ABI3BP: variants seen among roughly 807,000 people sequenced by gnomAD.
ABI3BP encodes target of Nesh-SH3.
In ABI3BP, 216 loss-of-function variants were observed where a neutral mutation model predicts 268.6. The observed-to-expected ratio is 0.80, with a 90% confidence interval of 0.72 to 0.90. The LOEUF is 0.90. Ranked by LOEUF, ABI3BP falls within the 40% of genes least tolerant of loss-of-function variation. The probability of loss-of-function intolerance (pLI) is 0.00; values close to 1 mark genes in which losing one functional copy is unlikely to be tolerated. For synonymous variants in ABI3BP, 730 were observed against 730.0 expected, an observed-to-expected ratio of 1.00 and a Z score of 0.00; for missense variants, 2,090 against 2,182.4, an observed-to-expected ratio of 0.96 and a Z score of 0.84.
At chr3:100,765,360 A>G (rs958023120) in intron 63 of ABI3BP, among the ~76,000 whole-genome samples, 5 of 152,220 alleles carry the variant, frequency 3.3e-5, no homozygotes, top group African/African-American at 1.2e-4. Flanking sequence ...CCATGATAAA[A>G]GGTCCCAAAG....
At chr3:100,947,396 T>C (rs550719781) in intron 1 of ABI3BP, among the ~76,000 whole-genome samples, 2 of 152,278 alleles carry the variant, frequency 1.3e-5, no homozygotes, top group East Asian at 3.9e-4. Flanking sequence ...TCTAACTGAA[T>C]GAATCCGTTT....
intron 1 of ABI3BP, among the ~76,000 whole-genome samples, chr3:100,982,768 G>A (rs1010615938): frequency 6.6e-6 from 1 of 152,088 alleles, no homozygotes; most frequent in Admixed American, 6.5e-5. Flanking sequence ...TGGAGAGGAT[G>A]GGCCTGGAGA....
Position 100,754,688 on chromosome 3 carries a change from A to T in ABI3BP, c.4854T>A (p.Tyr1618Ter). ...GGTTTTTGGGTTTCACCTGGAATTC[A>T]TAACTGTTTAGGGGAAAATAAAAAA... is the stretch of plus-strand genomic sequence containing the variant. The part of the protein sequence containing the change: ...TVENLKPNTS[Y>*]EFQVKPKNPL... Residue 1618 changes from tyrosine to a stop codon, truncating the protein, a stop_gained, in exon 64 of 68, where the codon TAT becomes TAA. Transcript: ENST00000471714. LOFTEE classifies it high-confidence loss of function. 6.3e-7 allele frequency: 1 copy of T among 1,579,780 alleles called. No individual in the cohort carries two copies. Among genetic ancestry groups the T allele is most frequent in the Non-Finnish European group, 8.6e-7 (1 of 1,161,198 alleles).
intron 45 of ABI3BP, among the ~76,000 whole-genome samples, chr3:100,812,789 A>G (rs570009760): frequency 2.6e-5 from 4 of 152,298 alleles, no homozygotes; most frequent in African/African-American, 7.2e-5. Context: ...GAAAGAAATT[A>G]CAGTCCTACG....
At chr3:100,945,384 A>G (rs757454514) in intron 1 of ABI3BP, among the ~76,000 whole-genome samples, 7 of 152,192 alleles carry the variant, frequency 4.6e-5, no homozygotes, top group Non-Finnish European at 5.9e-5. Context: ...CAATGATTTT[A>G]TAGCTCAAAC....
intron 2 of ABI3BP, among the ~76,000 whole-genome samples, chr3:100,916,719 T>A (rs901087986): frequency 2.6e-5 from 4 of 152,208 alleles, no homozygotes; most frequent in Non-Finnish European, 5.9e-5. Context: ...GTGCCCAGCC[T>A]GGAGAATGGA....
chr3:100,844,340 C>T (rs534237610), intron 20 of ABI3BP: 12 of 985,236 alleles, frequency 1.2e-5, no homozygotes, highest in African/African-American at 8.7e-5. Context: ...TCCCACTGGA[C>T]GAGGTAGACA....
chr3:100,779,216 C>G (rs1337808042), intron 58 of ABI3BP, among the ~76,000 whole-genome samples: 2 of 152,198 alleles, frequency 1.3e-5, no homozygotes, highest in African/African-American at 4.8e-5. Flanking sequence ...AAGTCTGTAT[C>G]TGTAGGGAGC....
intron 1 of ABI3BP, among the ~76,000 whole-genome samples, chr3:100,958,083 T>C (rs1243122221): frequency 6.6e-6 from 1 of 152,202 alleles, no homozygotes; most frequent in Non-Finnish European, 1.5e-5. Flanking sequence ...ACTATCAAAT[T>C]CTGTTGACAG....
chr3:100,753,993 GTTTGC>G (rs983301801), intron 64 of ABI3BP, 145 bp from the exon 65 acceptor site: 2 of 872,848 alleles, frequency 2.3e-6, no homozygotes, highest in African/African-American at 1.7e-5. Context: ...GAATTTGAAA[GTTTGC>G]TTTGTTTTGG....
At chr3:100,969,476 C>A (rs1002505200) in intron 1 of ABI3BP, among the ~76,000 whole-genome samples, 2 of 152,112 alleles carry the variant, frequency 1.3e-5, no homozygotes, top group Non-Finnish European at 2.9e-5. Context: ...ATAAATGTGG[C>A]CAGCAGCAGA....
At position 100,863,992 on chromosome 3, in the gene ABI3BP, T is replaced by TA. The variant is rs1475476005; in HGVS notation, c.1138+9dup. ...GTAATAATAAAGCTGCAGTATTTAT[T>TA]ATTTTTTACCTAGAGTGCTCAGTGG... On this transcript the variant is annotated intron_variant, in intron 12 of 67. Transcript: ENST00000471714. The TA allele has an allele frequency of 1.3e-6, 2 of 1,511,286 alleles. No individual in the cohort carries two copies. Among genetic ancestry groups the TA allele is most frequent in the Non-Finnish European group, 1.8e-6 (2 of 1,124,300 alleles). 93.6% of individuals were successfully genotyped at this position (1,511,286 alleles called of 1,614,324 possible).
chr3:100,778,169 A>T (rs1331262716), intron 59 of ABI3BP, 115 bp downstream of exon 59: 1 of 1,021,054 alleles, frequency 9.8e-7, no homozygotes, highest in East Asian at 2.5e-5. Context: ...CAGGGCCAAC[A>T]CAAACGTGTC....
chr3:100,812,626 TAAC>T, intron 45 of ABI3BP, 103 bp from the exon 46 acceptor site: 1 of 634,254 alleles, frequency 1.6e-6, no homozygotes, highest in African/African-American at 1.9e-5. Flanking sequence ...TGTTATAGGG[TAAC>T]AACATTATTA....
chr3:100,898,183 G>A (rs2048575961), intron 4 of ABI3BP, among the ~76,000 whole-genome samples: 1 of 152,160 alleles, frequency 6.6e-6, no homozygotes, highest in African/African-American at 2.4e-5. Flanking sequence ...CTGCCTGTGT[G>A]TCTCTCCTCA....
intron 1 of ABI3BP, among the ~76,000 whole-genome samples, chr3:100,947,279 C>CT (rs1168617906): frequency 2.0e-5 from 3 of 152,120 alleles, no homozygotes. Context: ...GCATCATTGC[C>CT]TACTAGGCTG....
intron 38 of ABI3BP, 118 bp downstream of exon 38, chr3:100,822,471 T>G: frequency 1.6e-5 from 13 of 799,872 alleles, no homozygotes; most frequent in Non-Finnish European, 2.4e-5. Flanking sequence ...CTGCTAACCA[T>G]GAGTTGTAGC....
At chr3:100,764,075 A>G (rs553909359) in intron 63 of ABI3BP, among the ~76,000 whole-genome samples, 74 of 151,958 alleles carry the variant, frequency 4.9e-4, no homozygotes, top group Non-Finnish European at 8.4e-4. Context: ...TGAGGTAAAA[A>G]TAGCCTATTT....
chr3:100,807,294 C>G (rs1461511266), intron 50 of ABI3BP, among the ~76,000 whole-genome samples: 1 of 151,756 alleles, frequency 6.6e-6, no homozygotes, highest in Non-Finnish European at 1.5e-5. Flanking sequence ...TTATTATTCA[C>G]TAATCATTAT....
Sources: gnomAD v4.1 joint callset for allele counts (sites outside exome capture counted in the v4.1 genomes callset) on GRCh38, gnomAD v4.1.1 for gene constraint, MANE v1.5 for transcripts, NCBI Gene and HGNC (gene_info 2026-07-23, HGNC 2026-07-21) for gene names.